DPYD: variants seen among roughly 807,000 people sequenced by gnomAD.
DPYD encodes dihydropyrimidine dehydrogenase [NADP(+)].
Under a neutral mutation model 116.2 loss-of-function variants are expected in DPYD, and 109 were observed. That is an observed-to-expected ratio of 0.94 (90% CI 0.80 to 1.10). The LOEUF (loss-of-function observed/expected upper bound fraction) is 1.10. Ranked by LOEUF, DPYD falls within the 50% of genes least tolerant of loss-of-function variation. The probability of loss-of-function intolerance (pLI) is 0.00; values close to 1 mark genes in which losing one functional copy is unlikely to be tolerated. For synonymous variants in DPYD, 440 were observed against 432.0 expected (o/e 1.02, Z -0.23); for missense variants, 1,302 against 1,254.5 (o/e 1.04, Z -0.57).
intron 8 of DPYD, among the ~76,000 whole-genome samples, chr1:97,652,260 T>C (rs1324453045): frequency 6.6e-6 from 1 of 152,196 alleles, no homozygotes; most frequent in Non-Finnish European, 1.5e-5. Flanking sequence ...AAAATTCTCA[T>C]GTTATTCATC....
intron 3 of DPYD, among the ~76,000 whole-genome samples, chr1:97,748,205 A>T (rs1664664360): frequency 6.7e-6 from 1 of 148,190 alleles, no homozygotes; most frequent in South Asian, 2.2e-4. Flanking sequence ...ACGCCTTCTT[A>T]GATAGAGAAA....
At chr1:97,844,310 T>C (rs7554218) in intron 2 of DPYD, among the ~76,000 whole-genome samples, 1 of 152,200 alleles carries the variant, frequency 6.6e-6, no homozygotes, top group African/African-American at 2.4e-5. Flanking sequence ...TCTTTTTGTA[T>C]GCTGATGAGA....
At chr1:97,590,391 C>G (rs890213240) in intron 10 of DPYD, among the ~76,000 whole-genome samples, 1 of 152,136 alleles carries the variant, frequency 6.6e-6, no homozygotes, top group Non-Finnish European at 1.5e-5. Context: ...GGTGCTGATT[C>G]CCTCCAGTAA....
Position 97,365,206 on chromosome 1 carries a change from T to C in DPYD, c.2058+8355A>G, listed in dbSNP as rs369908667. Among the ~76,000 whole-genome samples, 25 of 152,240 alleles carry C rather than the reference T, an allele frequency of 1.6e-4. 1 individual carries two copies. The highest frequency in any genetic ancestry group is 1.4e-3 in the Admixed American group (22 of 15,274). On this transcript the variant is annotated intron_variant, in intron 16 of 22. Coordinates refer to ENST00000370192, the MANE Select transcript of DPYD (RefSeq NM_000110.4). ...CTCTCGAGTCATTTGTGGCTTCTAA[T>C]ACATGACTCAGTCTTGTCCACCAGT... is the stretch of plus-strand genomic sequence containing the variant.
chr1:97,886,220 AAC>A (rs1211903677), intron 1 of DPYD, among the ~76,000 whole-genome samples: 4 of 152,002 alleles, frequency 2.6e-5, no homozygotes, highest in African/African-American at 9.7e-5. Context: ...TATAGCTCAA[AAC>A]ACAGAGCTCG....
At chr1:97,331,977 A>G (rs1429242264) in intron 16 of DPYD, among the ~76,000 whole-genome samples, 1 of 152,202 alleles carries the variant, frequency 6.6e-6, no homozygotes, top group African/African-American at 2.4e-5. Context: ...ACCTTAGAAG[A>G]AAGAATGCTT....
Position 97,289,224 on chromosome 1 carries a change from C to T in DPYD, c.2299+16035G>A, listed in dbSNP as rs577892120. Among the ~76,000 whole-genome samples, 1,121 of 151,888 alleles carry T rather than the reference C, an allele frequency of 7.4e-3. 12 individuals carry two copies. Among genetic ancestry groups the T allele is most frequent in the African/African-American group, 0.026 (1,068 of 41,442 alleles). On this transcript the variant is annotated intron_variant, in intron 18 of 22. Transcript: ENST00000370192. ...CTTACCAACCAAAAAGAGTCCAGGA[C>T]CAGATGGATTCACAGCCGAATTCTA...
At chr1:97,314,154 C>T (rs1667676613) in intron 16 of DPYD, among the ~76,000 whole-genome samples, 1 of 151,884 alleles carries the variant, frequency 6.6e-6, no homozygotes, top group South Asian at 2.1e-4. Context: ...GCCTAGAAGT[C>T]CACGAGAACC....
At chr1:97,478,555 A>T (rs1337876151) in intron 13 of DPYD, among the ~76,000 whole-genome samples, 1 of 152,114 alleles carries the variant, frequency 6.6e-6, no homozygotes, top group Admixed American at 6.5e-5. Flanking sequence ...CAAAGTAATG[A>T]GATTACAGGC....
At chr1:97,732,089 G>A (rs999970544) in intron 4 of DPYD, among the ~76,000 whole-genome samples, 7 of 151,916 alleles carry the variant, frequency 4.6e-5, no homozygotes, top group African/African-American at 1.7e-4. Context: ...ACTTATAATT[G>A]ACTAACATTT....
chr1:97,376,580 C>T (rs1053307447), intron 15 of DPYD, among the ~76,000 whole-genome samples: 1 of 152,006 alleles, frequency 6.6e-6, no homozygotes, highest in South Asian at 2.1e-4. Context: ...ATGCACACCA[C>T]CTTAAAAGGC....
chr1:97,666,621 C>G (rs1260132293), intron 8 of DPYD, among the ~76,000 whole-genome samples: 1 of 152,010 alleles, frequency 6.6e-6, no homozygotes, highest in Non-Finnish European at 1.5e-5. Flanking sequence ...AAAAATAACA[C>G]AAGCATGGTA....
chr1:97,399,295 C>A (rs1346488126), intron 14 of DPYD, among the ~76,000 whole-genome samples: 2 of 152,064 alleles, frequency 1.3e-5, no homozygotes, highest in Non-Finnish European at 2.9e-5. Context: ...TGTTCTGTTC[C>A]ATTGGTCTAT....
At chr1:97,649,829 G>A (rs768385349) in intron 8 of DPYD, among the ~76,000 whole-genome samples, 2 of 152,056 alleles carry the variant, frequency 1.3e-5, no homozygotes, top group Non-Finnish European at 2.9e-5. Flanking sequence ...CTGGGACACA[G>A]GCGAAACACT....
At chr1:97,612,107 T>C (rs907570801) in intron 8 of DPYD, among the ~76,000 whole-genome samples, 8 of 152,030 alleles carry the variant, frequency 5.3e-5, no homozygotes, top group Non-Finnish European at 7.4e-5. Context: ...ATGCCCTGTA[T>C]TGATATTAAG....
chr1:97,212,953 T>C (rs1014438598), intron 19 of DPYD, among the ~76,000 whole-genome samples: 14 of 152,256 alleles, frequency 9.2e-5, no homozygotes, highest in African/African-American at 2.9e-4. Flanking sequence ...GTAGCTTCAA[T>C]AACAAACATT....
intron 8 of DPYD, among the ~76,000 whole-genome samples, chr1:97,633,170 T>C (rs1657369666): frequency 6.6e-6 from 1 of 152,098 alleles, no homozygotes; most frequent in South Asian, 2.1e-4. Context: ...TTATAAGAAT[T>C]TTGGGTCAAG....
intron 12 of DPYD, 24 bp from the exon 13 acceptor site, chr1:97,515,965 G>C: frequency 6.3e-7 from 1 of 1,598,812 alleles, no homozygotes; most frequent in South Asian, 1.1e-5. Flanking sequence ...ACCAATACTT[G>C]GTTTCATATT....
chr1:97,285,057 G>C (rs1227756418), intron 18 of DPYD, among the ~76,000 whole-genome samples: 1 of 152,172 alleles, frequency 6.6e-6, no homozygotes, highest in Non-Finnish European at 1.5e-5. Context: ...CAAATTGGCA[G>C]AATCTAGCAG....
Sources: gnomAD v4.1 joint callset for allele counts (sites outside exome capture counted in the v4.1 genomes callset) on GRCh38, gnomAD v4.1.1 for gene constraint, MANE v1.5 for transcripts, NCBI Gene and HGNC (gene_info 2026-07-23, HGNC 2026-07-21) for gene names.